The following RFX3 variants were observed in gnomAD, a reference collection of about 807,000 sequenced individuals.
RFX3 encodes the protein regulatory factor X3.
In RFX3, 14 loss-of-function variants were observed where a neutral mutation model predicts 98.6. The observed-to-expected ratio is 0.14, with a 90% CI of 0.09 to 0.22. The LOEUF is 0.22. RFX3 is among the 10% of genes least tolerant of loss of function. The pLI is 1.00. For missense variants in RFX3, 639 were observed against 926.9 expected (o/e 0.69, Z 4.03); for synonymous variants, 383 against 328.4 (o/e 1.17, Z -1.80).
chr9:3,311,327 C>A (rs1379194607), intron 4 of RFX3, among the ~76,000 whole-genome samples: 1 of 152,104 alleles, frequency 6.6e-6, no homozygotes, highest in Non-Finnish European at 1.5e-5. Context: ...TAAGACAGAA[C>A]ATTTCTACTT....
At chr9:3,515,072 CA>C (rs1316111688) in intron 1 of RFX3, among the ~76,000 whole-genome samples, 1 of 152,130 alleles carries the variant, frequency 6.6e-6, no homozygotes, top group Non-Finnish European at 1.5e-5. Context: ...TAAATAGTAT[CA>C]GGGGAAAACC....
At chr9:3,301,509 G>A in intron 5 of RFX3, 37 bp downstream of exon 5, 1 of 1,409,084 alleles carries the variant, frequency 7.1e-7, no homozygotes, top group South Asian at 1.2e-5. Context: ...TGCAGAACAA[G>A]CAAGAGATTA....
intron 15 of RFX3, among the ~76,000 whole-genome samples, chr9:3,245,764 T>C (rs748482978): frequency 1.1e-4 from 17 of 152,154 alleles, no homozygotes; most frequent in Non-Finnish European, 2.2e-4. Flanking sequence ...CTATTATTAC[T>C]CATTATTCCA....
intron 1 of RFX3, among the ~76,000 whole-genome samples, chr9:3,410,960 C>T (rs1842417001): frequency 6.6e-6 from 1 of 152,094 alleles, no homozygotes; most frequent in South Asian, 2.1e-4. Flanking sequence ...GAAGCAAACA[C>T]CTCCCAGTAT....
At chr9:3,503,606 G>A (rs1430811511) in intron 1 of RFX3, among the ~76,000 whole-genome samples, 1 of 152,008 alleles carries the variant, frequency 6.6e-6, no homozygotes, top group African/African-American at 2.4e-5. Context: ...AAAAATATCA[G>A]TATGACAATC....
At chr9:3,229,916 C>T (rs774067576) in intron 15 of RFX3, among the ~76,000 whole-genome samples, 1 of 151,948 alleles carries the variant, frequency 6.6e-6, no homozygotes, top group East Asian at 1.9e-4. Context: ...TTTTCCTTAC[C>T]TAGACAAGTA....
rs1035813885 is a variant in RFX3 at position 3,224,718 on chromosome 9, C to T, written c.*324G>A. 3.1e-5 allele frequency: 6 copies of T among 195,996 alleles called. No homozygotes were observed. The highest frequency in any genetic ancestry group is 7.1e-5 in the African/African-American group (3 of 42,458). 12.1% of individuals were successfully genotyped at this position (195,996 alleles called of 1,614,324 possible). On this transcript the variant is annotated 3_prime_UTR_variant, in exon 17 of 17. Transcript: ENST00000617270. ...ATCATACACCAAGACTAACAATCAA[C>T]AATAAAATATTTTAAGCTACAAAAA...
intron 5 of RFX3, among the ~76,000 whole-genome samples, chr9:3,295,706 G>T (rs1389145267): frequency 1.3e-5 from 2 of 152,004 alleles, no homozygotes; most frequent in African/African-American, 4.8e-5. Context: ...ATTGTCAAAG[G>T]TATAATAGCA....
At chr9:3,371,688 A>G (rs1377948526) in intron 2 of RFX3, among the ~76,000 whole-genome samples, 2 of 152,226 alleles carry the variant, frequency 1.3e-5, no homozygotes, top group Non-Finnish European at 2.9e-5. Flanking sequence ...AGAGTAACAT[A>G]AATTACTAAA....
At chr9:3,492,647 T>C (rs921560455) in intron 1 of RFX3, among the ~76,000 whole-genome samples, 3 of 152,144 alleles carry the variant, frequency 2.0e-5, no homozygotes, top group African/African-American at 7.2e-5. Context: ...CAGGATGATC[T>C]TGTGGGCATG....
chr9:3,393,894 G>A (rs1840575262), intron 2 of RFX3, among the ~76,000 whole-genome samples: 1 of 152,072 alleles, frequency 6.6e-6, no homozygotes, highest in Non-Finnish European at 1.5e-5. Context: ...CACTATTTGG[G>A]TAATGGGTAC....
chr9:3,356,222 G>T (rs1740708376), intron 2 of RFX3, among the ~76,000 whole-genome samples: 2 of 145,322 alleles, frequency 1.4e-5, no homozygotes, highest in Admixed American at 6.8e-5. Context: ...GTTAATAAAA[G>T]AAATAAAAAT....
intron 2 of RFX3, among the ~76,000 whole-genome samples, chr9:3,382,231 G>C (rs546772982): frequency 6.6e-6 from 1 of 152,122 alleles, no homozygotes; most frequent in South Asian, 2.1e-4. Context: ...TGTTAAAACT[G>C]TACTTTAAAG....
chr9:3,290,903 G>GA (rs1259892373), intron 6 of RFX3, among the ~76,000 whole-genome samples: 2 of 152,128 alleles, frequency 1.3e-5, no homozygotes, highest in African/African-American at 2.4e-5. Flanking sequence ...ACAGAAACCA[G>GA]AAAAAATTCC....
intron 1 of RFX3, among the ~76,000 whole-genome samples, chr9:3,428,376 T>C (rs903060391): frequency 6.6e-6 from 1 of 152,222 alleles, no homozygotes; most frequent in African/African-American, 2.4e-5. Context: ...CTTTAAGATC[T>C]TATAATGATG....
At chr9:3,250,620 A>G (rs1314630170) in intron 14 of RFX3, among the ~76,000 whole-genome samples, 1 of 152,114 alleles carries the variant, frequency 6.6e-6, no homozygotes, top group Non-Finnish European at 1.5e-5. Context: ...CAATTGACCA[A>G]AGATAGTCAC....
chr9:3,374,409 C>A (rs1279624993), intron 2 of RFX3, among the ~76,000 whole-genome samples: 1 of 150,002 alleles, frequency 6.7e-6, no homozygotes, highest in Non-Finnish European at 1.5e-5. Flanking sequence ...AATAGTACAG[C>A]TTGTTCATAG....
In RFX3 at chr9:3,395,405, A is replaced by C; in HGVS notation, c.117+67T>G. 3 of 1,557,798 alleles carry C rather than the reference A, an allele frequency of 1.9e-6. No homozygotes were observed. The South Asian group carries it at 3.4e-5, about 18-fold the overall frequency. On this transcript the variant is annotated intron_variant, in intron 2 of 16. Coordinates refer to ENST00000617270, the MANE Select transcript of RFX3 (RefSeq NM_001282116.2). ...AGTAAAGTTCAAATAATTTTTGGAT[A>C]CAGGTATGTTGGACAGCCAACATAA... is the stretch of plus-strand genomic sequence containing the variant.
In RFX3 at chr9:3,515,891, C is replaced by T. The variant is rs1198582028; in HGVS notation, c.-9+9856G>A. On this transcript the variant is annotated intron_variant, in intron 1 of 16. Transcript: ENST00000617270. Reference sequence around the variant, plus strand: ...AATTTTTTAAATCAATAATTACAATCTAAGCTTTAATATACTCCCCTATTA... The same window carrying T: ...AATTTTTTAAATCAATAATTACAATTTAAGCTTTAATATACTCCCCTATTA... Among the ~76,000 whole-genome samples, 5 of 152,124 alleles carry T rather than the reference C, an allele frequency of 3.3e-5. No individual in the cohort carries two copies. In the South Asian group the frequency reaches 6.2e-4, roughly 19 times the overall value.
Sources: gnomAD v4.1 joint callset for allele counts (sites outside exome capture counted in the v4.1 genomes callset) on GRCh38, gnomAD v4.1.1 for gene constraint, MANE v1.5 for transcripts, NCBI Gene and HGNC (gene_info 2026-07-23, HGNC 2026-07-21) for gene names.